The following HIP1 variants were observed in gnomAD, a reference collection of about 807,000 sequenced individuals.
The protein encoded by HIP1 is huntingtin interacting protein 1, also known as huntingtin-interacting protein 1.
In HIP1, 65 loss-of-function variants were observed where a neutral mutation model predicts 147.6. The ratio of observed to expected loss-of-function variants is 0.44; its 90% CI spans 0.36 to 0.54. The LOEUF is 0.54. Ranked by LOEUF, HIP1 falls within the 20% of genes least tolerant of loss-of-function variation. HIP1 has a pLI of 0.00. For missense variants in HIP1, 1,061 were observed against 1,299.6 expected, an observed-to-expected ratio of 0.82 and a Z score of 2.82; for synonymous variants, 479 against 504.0, an observed-to-expected ratio of 0.95 and a Z score of 0.67.
intron 1 of HIP1, among the ~76,000 whole-genome samples, chr7:75,606,369 C>T (rs1554503830): frequency 6.6e-6 from 1 of 152,070 alleles, no homozygotes; most frequent in Admixed American, 6.6e-5. Flanking sequence ...CACCTGAGAC[C>T]AGGAGTTCAA....
chr7:75,638,005 T>TAC (rs372119007), intron 1 of HIP1, among the ~76,000 whole-genome samples: 16,742 of 43,714 alleles, frequency 0.38, 2,665 homozygotes, highest in Non-Finnish European at 0.4. Context: ...CACACACACA[T>TAC]ACACACACAC....
In HIP1 at chr7:75,544,713, C is replaced by T. The variant is rs1370182241; in HGVS notation, c.2748G>A (p.Gln916=). 6.2e-7 allele frequency: 1 copy of T among 1,612,012 alleles called. No individual in the cohort carries two copies. Among genetic ancestry groups the T allele is most frequent in the African/African-American group, 1.3e-5 (1 of 74,884 alleles). ...GTCCTACCTTGGATGCAGCCACAAGCTGGGCTGTGCTAGCAGCAATTTCAT... is the reference window on the plus strand; with the variant it reads ...GTCCTACCTTGGATGCAGCCACAAGTTGGGCTGTGCTAGCAGCAATTTCAT... ...CSHEIAASTA[Q]LVAASKVKAD... is the part of the protein sequence containing the mutation. Residue 916 remains glutamine, a synonymous_variant, in exon 27 of 31, where the codon CAG becomes CAA. Coordinates refer to ENST00000336926, the MANE Select transcript of HIP1 (RefSeq NM_005338.7).
intron 2 of HIP1, among the ~76,000 whole-genome samples, chr7:75,595,794 T>G (rs1377256168): frequency 6.6e-6 from 1 of 152,074 alleles, no homozygotes; most frequent in Admixed American, 6.6e-5. Flanking sequence ...TAAGACTCAG[T>G]CCCCAGCCCT....
At chr7:75,704,391 C>T (rs879947579) in intron 1 of HIP1, among the ~76,000 whole-genome samples, 6 of 151,750 alleles carry the variant, frequency 4.0e-5, no homozygotes, top group Non-Finnish European at 7.4e-5. Context: ...ATTACAGGCG[C>T]CCAGCACCAC....
chr7:75,590,313 C>T (rs1165758512), intron 4 of HIP1, among the ~76,000 whole-genome samples: 5 of 151,906 alleles, frequency 3.3e-5, no homozygotes, highest in South Asian at 4.1e-4. Flanking sequence ...AACAAAGATA[C>T]GAAAGGTAGA....
chr7:75,543,284 A>G (rs782479027), intron 27 of HIP1, among the ~76,000 whole-genome samples: 3 of 152,226 alleles, frequency 2.0e-5, no homozygotes, highest in Non-Finnish European at 4.4e-5. Context: ...GGATACTGTG[A>G]AACTCTTAAA....
Position 75,544,813 on chromosome 7 carries a change from G to T in HIP1, c.2661-13C>A. 3 of 1,504,196 alleles carry T rather than the reference G, an allele frequency of 2.0e-6. No individual in the cohort carries two copies. Among genetic ancestry groups the T allele is most frequent in the Non-Finnish European group, 2.8e-6 (3 of 1,080,014 alleles). 93.2% of individuals were successfully genotyped at this position (1,504,196 alleles called of 1,614,324 possible). A position where few individuals can be genotyped will look rare whatever the true frequency, so the allele number is the denominator to read the frequency against. On this transcript the variant is annotated splice_polypyrimidine_tract_variant and intron_variant, in intron 26 of 30. Transcript: ENST00000336926. The stretch of plus-strand genomic sequence containing the variant: ...ATCAGCTGCATCCCTGATGGAAAAC[G>T]ACAAGAGGGACTAGGTTACGGGCAA...
Position 75,559,873 on chromosome 7 carries a change from G to A in HIP1, c.1234C>T (p.Leu412=). The change falls in exon 14 of 31, where the codon CTG becomes TTG. Residue 412 remains leucine (L), a synonymous_variant. Coordinates refer to ENST00000336926, the MANE Select transcript of HIP1 (RefSeq NM_005338.7). The part of the protein sequence containing the change: ...VLQLKGHVSE[L]EADLAEQQHL... ...TGCTGCTCGGCCAGATCTGCTTCCA[G>A]CTCGCTGACGTGGCCCTTCAGCTGC... The A allele has an allele frequency of 6.2e-7, 1 of 1,611,162 alleles. No homozygotes were observed. Among genetic ancestry groups the A allele is most frequent in the Non-Finnish European group, 8.5e-7 (1 of 1,179,530 alleles).
chr7:75,685,566 G>A (rs555000219), intron 1 of HIP1, among the ~76,000 whole-genome samples: 4 of 152,216 alleles, frequency 2.6e-5, no homozygotes, highest in African/African-American at 7.2e-5. Flanking sequence ...TCTTTTTTGT[G>A]AGACGAAGTC....
chr7:75,551,939 G>A (rs963210888), intron 22 of HIP1, among the ~76,000 whole-genome samples: 7 of 151,360 alleles, frequency 4.6e-5, no homozygotes, highest in African/African-American at 1.2e-4. Context: ...GCCCAGGTTG[G>A]AGTGCAAAGG....
At chr7:75,682,985 G>C (rs1324234664) in intron 1 of HIP1, among the ~76,000 whole-genome samples, 4 of 149,576 alleles carry the variant, frequency 2.7e-5, no homozygotes, top group Admixed American at 1.4e-4. Flanking sequence ...TCATTCACTT[G>C]AGATTTTTTT....
chr7:75,664,527 CATACATAT>C (rs1799495608), intron 1 of HIP1, among the ~76,000 whole-genome samples: 2 of 149,098 alleles, frequency 1.3e-5, no homozygotes, highest in African/African-American at 2.5e-5. Flanking sequence ...TATACGTATA[CATACATAT>C]ATACACATAC....
chr7:75,585,185 C>CTT (rs71098036), intron 5 of HIP1, among the ~76,000 whole-genome samples: 8 of 133,444 alleles, frequency 6.0e-5, no homozygotes, highest in South Asian at 2.4e-4. Context: ...CCCAAAACGT[C>CTT]TTTTTTTTTT....
intron 7 of HIP1, among the ~76,000 whole-genome samples, chr7:75,580,995 G>T (rs1216190993): frequency 6.6e-6 from 1 of 152,140 alleles, no homozygotes; most frequent in Non-Finnish European, 1.5e-5. Context: ...GCCCACCTTA[G>T]CCTCCCAAAG....
intron 1 of HIP1, among the ~76,000 whole-genome samples, chr7:75,623,416 G>T (rs1797924767): frequency 6.6e-6 from 1 of 152,136 alleles, no homozygotes; most frequent in Non-Finnish European, 1.5e-5. Flanking sequence ...TGCGCATGAG[G>T]AGAGGACGGG....
intron 1 of HIP1, among the ~76,000 whole-genome samples, chr7:75,604,428 C>T (rs1797138439): frequency 6.6e-6 from 1 of 152,082 alleles, no homozygotes; most frequent in South Asian, 2.1e-4. Context: ...AATCCCAGTA[C>T]CTTAGGAGAC....
At chr7:75,636,854 T>C (rs1484941154) in intron 1 of HIP1, among the ~76,000 whole-genome samples, 1 of 152,210 alleles carries the variant, frequency 6.6e-6, no homozygotes, top group Non-Finnish European at 1.5e-5. Flanking sequence ...ATTCAGGGAC[T>C]TGCTGGTCTG....
At chr7:75,621,889 G>A (rs185264403) in intron 1 of HIP1, among the ~76,000 whole-genome samples, 15 of 152,152 alleles carry the variant, frequency 9.9e-5, no homozygotes, top group Non-Finnish European at 2.1e-4. Context: ...GGGACCCATG[G>A]GAGAGTTGGT....
intron 1 of HIP1, among the ~76,000 whole-genome samples, chr7:75,700,829 T>A (rs928909280): frequency 6.6e-6 from 1 of 151,852 alleles, no homozygotes; most frequent in African/African-American, 2.4e-5. Context: ...CCTCAGCCTC[T>A]TGAGTAGCTG....
Sources: gnomAD v4.1 joint callset for allele counts (sites outside exome capture counted in the v4.1 genomes callset) on GRCh38, gnomAD v4.1.1 for gene constraint, MANE v1.5 for transcripts, NCBI Gene and HGNC (gene_info 2026-07-23, HGNC 2026-07-21) for gene names.